PPP2R1B: variants seen among roughly 807,000 people sequenced by gnomAD.
The protein encoded by PPP2R1B is protein phosphatase 2 scaffold subunit Abeta.
PPP2R1B carries 58 observed loss-of-function variants against 72.7 expected under a neutral mutation model. The ratio of observed to expected loss-of-function variants is 0.80; its 90% confidence interval spans 0.65 to 0.99. PPP2R1B has a LOEUF of 0.99. PPP2R1B is among the 50% of genes least tolerant of loss of function. The pLI is 0.00. For missense variants in PPP2R1B, 695 were observed against 733.6 expected (o/e 0.95, Z 0.61); for synonymous variants, 256 against 264.6 (o/e 0.97, Z 0.32).
chr11:111,709,346 A>T, the PPP2R1B span, among the ~76,000 whole-genome samples: 1 of 152,232 alleles, frequency 6.6e-6, no homozygotes, highest in Non-Finnish European at 1.5e-5. Context: ...GTCTCCAGAT[A>T]TAGCCACATT....
At chr11:111,702,723 T>TGG in the PPP2R1B span, among the ~76,000 whole-genome samples, 24 of 152,344 alleles carry the variant, frequency 1.6e-4, no homozygotes, top group African/African-American at 4.1e-4. Flanking sequence ...GCGGTTTTCT[T>TGG]GGTGTAGTCA....
At chr11:111,742,319 G>GACC in intron 13 of PPP2R1B, 175 bp from the exon 14 acceptor site, 3 of 597,550 alleles carry the variant, frequency 5.0e-6, no homozygotes, top group Admixed American at 4.3e-5. Context: ...ATCAGCTTCA[G>GACC]ACAAGGATCT....
chr11:111,754,872 T>A lies in PPP2R1B; in HGVS notation c.958+108A>T, dbSNP rs1591700106. On this transcript the variant is annotated intron_variant, in intron 7 of 14. Transcript: ENST00000527614. ...CATTTCCACACACTAAAAACATCCC[T>A]ATGTATTTTAAAAACATATTCTAGA... is the stretch of plus-strand genomic sequence containing the variant. 8 of 1,009,016 alleles carry A rather than the reference T, an allele frequency of 7.9e-6. No individual in the cohort carries two copies. The South Asian group carries it at 1.2e-4, about 15-fold the overall frequency. 62.5% of individuals were successfully genotyped at this position (1,009,016 alleles called of 1,614,324 possible). A position where few individuals can be genotyped will look rare whatever the true frequency, so the allele number is the denominator to read the frequency against.
chr11:111,720,971 A>G, the PPP2R1B span: 2 of 1,614,098 alleles, frequency 1.2e-6, no homozygotes, highest in Non-Finnish European at 1.7e-6. Flanking sequence ...AACAAAGTGC[A>G]GTTGTTGTAT....
chr11:111,751,538 T>C (rs1272916789), intron 10 of PPP2R1B, among the ~76,000 whole-genome samples: 2 of 152,242 alleles, frequency 1.3e-5, no homozygotes, highest in African/African-American at 4.8e-5. Flanking sequence ...TGGAGCATTC[T>C]GGACTTTGCA....
At chr11:111,712,145 G>T in the PPP2R1B span, 2 of 1,443,898 alleles carry the variant, frequency 1.4e-6, no homozygotes, top group South Asian at 1.3e-5. Flanking sequence ...TTTATTCTTA[G>T]AACTTTGTGT....
At chr11:111,719,808 G>C in the PPP2R1B span, 1 of 1,614,140 alleles carries the variant, frequency 6.2e-7, no homozygotes, top group Non-Finnish European at 8.5e-7. Flanking sequence ...TGTGCCTCCT[G>C]TCCTGGTGCG....
the PPP2R1B span, chr11:111,719,876 G>A: frequency 3.1e-6 from 5 of 1,613,978 alleles, no homozygotes; most frequent in Non-Finnish European, 4.2e-6. Flanking sequence ...ACGAAGGGCT[G>A]GAGACAGAAG....
At position 111,740,367 on chromosome 11, in the gene PPP2R1B, G is replaced by A; in HGVS notation, c.*1229C>T. On this transcript the variant is annotated 3_prime_UTR_variant, in exon 15 of 15. Coordinates refer to ENST00000527614, the MANE Select transcript of PPP2R1B (RefSeq NM_002716.5). Reference sequence around the variant, plus strand: ...TGAGTAGCTGGGACTACAGGTGTGTGCCACCACGCCCAGCTAACTTTTTTG... The same window carrying A: ...TGAGTAGCTGGGACTACAGGTGTGTACCACCACGCCCAGCTAACTTTTTTG... 1.2e-6 allele frequency: 1 copy of A among 864,708 alleles called. No homozygotes were observed. The highest frequency in any genetic ancestry group is 1.8e-5 in the African/African-American group (1 of 54,576). The allele number at this position is 864,708 out of a possible 1,614,324, so 53.6% of individuals were successfully genotyped here.
Position 111,760,926 on chromosome 11 carries a change from CACCAG to C in PPP2R1B, c.427_431del (p.Leu143GlufsTer31). On this transcript the variant is annotated frameshift_variant, in exon 4 of 15. Coordinates refer to ENST00000527614, the MANE Select transcript of PPP2R1B (RefSeq NM_002716.5). LOFTEE classifies it high-confidence loss of function. The stretch of plus-strand genomic sequence containing the variant: ...ACCAATCCCCACTTGCTAAGCGTTT[CACCAG>C]AGGTACAAAATAAGCTTCCAGAGCA... 1 of 1,614,194 alleles carries C rather than the reference CACCAG, an allele frequency of 6.2e-7. No individual in the cohort carries two copies. Among genetic ancestry groups the C allele is most frequent in the Non-Finnish European group, 8.5e-7 (1 of 1,180,042 alleles).
At chr11:111,758,515 G>C (rs375222427) in intron 5 of PPP2R1B, among the ~76,000 whole-genome samples, 10 of 152,198 alleles carry the variant, frequency 6.6e-5, no homozygotes, top group African/African-American at 1.9e-4. Flanking sequence ...GCTTGAACCC[G>C]GGAGGCAGAG....
rs1232209956 is a variant in PPP2R1B, at chr11:111,741,116, C to A, written c.*480G>T. On this transcript the variant is annotated 3_prime_UTR_variant, in exon 15 of 15. Coordinates refer to ENST00000527614, the MANE Select transcript of PPP2R1B (RefSeq NM_002716.5). ...AGGAAAATGTGGCTTTCATTACGGTCAAATCTCAACATGTCTCCCGAAGAG... is the reference window on the plus strand; with the variant it reads ...AGGAAAATGTGGCTTTCATTACGGTAAAATCTCAACATGTCTCCCGAAGAG... 1 of 987,896 alleles carries A rather than the reference C, an allele frequency of 1.0e-6. No homozygotes were observed. The highest frequency in any genetic ancestry group is 1.7e-5 in the African/African-American group (1 of 57,260). 61.2% of individuals were successfully genotyped at this position (987,896 alleles called of 1,614,324 possible).
At chr11:111,756,386 GA>G (rs556687775) in intron 5 of PPP2R1B, among the ~76,000 whole-genome samples, 2,171 of 144,486 alleles carry the variant, frequency 0.015, 24 homozygotes, top group Non-Finnish European at 0.022. Flanking sequence ...AAGTAAAAAA[GA>G]AAAAAAAAAC....
intron 5 of PPP2R1B, 36 bp downstream of exon 5, chr11:111,759,768 A>G (rs1295283255): frequency 9.0e-6 from 14 of 1,563,882 alleles, no homozygotes; most frequent in Admixed American, 3.8e-5. Context: ...GGAAAGGAGC[A>G]TATCTGTGTC....
chr11:111,733,990 C>A (rs1324290228), downstream of PPP2R1B, among the ~76,000 whole-genome samples: 1 of 152,226 alleles, frequency 6.6e-6, no homozygotes, highest in African/African-American at 2.4e-5. Context: ...GCCTCGGCCC[C>A]TGGCGCCCTC....
At chr11:111,735,700 A>G (rs150434471), downstream of PPP2R1B, among the ~76,000 whole-genome samples, 5 of 152,304 alleles carry the variant, frequency 3.3e-5, no homozygotes, top group Non-Finnish European at 5.9e-5. Context: ...GGGATGTCCA[A>G]TGGCTCCCTG....
At chr11:111,757,587 G>C (rs1945170647) in intron 5 of PPP2R1B, among the ~76,000 whole-genome samples, 1 of 152,098 alleles carries the variant, frequency 6.6e-6, no homozygotes. Flanking sequence ...TGTAATCCCA[G>C]CACTTTGGGA....
intron 6 of PPP2R1B, 67 bp from the exon 7 acceptor site, chr11:111,755,161 T>A: frequency 6.5e-7 from 1 of 1,537,502 alleles, no homozygotes; most frequent in South Asian, 1.2e-5. Flanking sequence ...AAAACAAAAT[T>A]GTGCAATCTG....
chr11:111,727,022 G>A (rs763052033), exon 16 of PPP2R1B: 1 of 1,614,176 alleles, frequency 6.2e-7, no homozygotes, highest in Non-Finnish European at 8.5e-7. Context: ...GGGCAAGTGT[G>A]TCTCTAGTAT....
Sources: gnomAD v4.1 joint callset for allele counts (sites outside exome capture counted in the v4.1 genomes callset) on GRCh38, gnomAD v4.1.1 for gene constraint, MANE v1.5 for transcripts, NCBI Gene and HGNC (gene_info 2026-07-23, HGNC 2026-07-21) for gene names.